Variants in ZNF181 observed in about 807,000 individuals in gnomAD.
The protein encoded by ZNF181 is zinc finger protein 181 (HHZ181).
Under a neutral mutation model 11.9 loss-of-function variants are expected in ZNF181, and 8 were observed. The observed-to-expected ratio is 0.67, with a 90% CI of 0.39 to 1.21. The LOEUF (loss-of-function observed/expected upper bound fraction) is 1.21, where lower values mean the gene tolerates loss of function less well. Among genes scored for constraint, ZNF181 ranks in the 50% most tolerant of loss-of-function variants. ZNF181 has a pLI of 0.01. For synonymous variants in ZNF181, 202 were observed against 221.1 expected, an observed-to-expected ratio of 0.91 and a Z score of 0.77; for missense variants, 542 against 670.9, an observed-to-expected ratio of 0.81 and a Z score of 2.12.
Position 34,734,770 on chromosome 19 carries a change from A to T in ZNF181, c.-268A>T, listed in dbSNP as rs1413857448. The T allele has an allele frequency of 8.0e-6, 4 of 500,568 alleles. No individual in the cohort carries two copies. Among genetic ancestry groups the T allele is most frequent in the Non-Finnish European group, 1.4e-5 (4 of 284,588 alleles). The allele number at this position is 500,568 out of a possible 1,614,324, so 31.0% of individuals were successfully genotyped here. A position where few individuals can be genotyped will look rare whatever the true frequency, so the allele number is the denominator to read the frequency against. ...CCATTGTTTTATGAGGATTTTATTT[A>T]CAGAGTAATTGATTTTCCTCGCAGG... is the stretch of plus-strand genomic sequence containing the variant. On this transcript the variant is annotated 5_prime_UTR_variant, in exon 1 of 4. Coordinates refer to ENST00000492450, the MANE Select transcript of ZNF181 (RefSeq NM_001029997.4).
Position 34,736,152 on chromosome 19 carries a change from C to A in ZNF181, c.9+1106C>A, listed in dbSNP as rs545091666. Reference sequence around the variant, plus strand: ...GTGGAGTGAATAAGATGAGTAATGACGAACTGGTGGGGCAGAATCATGGCA... The same window carrying A: ...GTGGAGTGAATAAGATGAGTAATGAAGAACTGGTGGGGCAGAATCATGGCA... On this transcript the variant is annotated intron_variant, in intron 1 of 3. Transcript: ENST00000492450. The A allele has an allele frequency of 6.1e-4, 430 of 702,898 alleles. No individual in the cohort carries two copies. In the African/African-American group the frequency reaches 6.4e-3, roughly 11 times the overall value. 43.5% of individuals were successfully genotyped at this position (702,898 alleles called of 1,614,324 possible).
In ZNF181 at chr19:34,734,732, G is replaced by A. The variant is rs1240033652; in HGVS notation, c.-306G>A. On this transcript the variant is annotated 5_prime_UTR_variant, in exon 1 of 4. Coordinates refer to ENST00000492450, the MANE Select transcript of ZNF181 (RefSeq NM_001029997.4). The stretch of plus-strand genomic sequence containing the variant: ...CATAGTGGTGAAGACTGAACGAGCT[G>A]ATAAAGTTTTTACCATTGTTTTATG... 4.4e-6 allele frequency: 2 copies of A among 458,586 alleles called. No individual in the cohort carries two copies. Among genetic ancestry groups the A allele is most frequent in the Non-Finnish European group, 7.7e-6 (2 of 259,324 alleles). The allele number at this position is 458,586 out of a possible 1,614,324, so 28.4% of individuals were successfully genotyped here.
chr19:34,740,600 A>G lies in ZNF181; in HGVS notation c.230-11A>G, dbSNP rs763683767. The stretch of plus-strand genomic sequence containing the variant: ...AACAAAACAGTGCTTTGCTTTTTTG[A>G]TGTATTTCAGATTGGGAATCAAGAT... On this transcript the variant is annotated splice_polypyrimidine_tract_variant and intron_variant, in intron 3 of 3. Coordinates refer to ENST00000492450, the MANE Select transcript of ZNF181 (RefSeq NM_001029997.4). The G allele has an allele frequency of 6.5e-7, 1 of 1,536,688 alleles. No homozygotes were observed.
rs769035289 is a variant in ZNF181, at chr19:34,740,993, T to C, written c.612T>C (p.Asn204=). ...KKSVIKNEKV[N]GGKKLLNSNK... ...CAGTTATAAAAAATGAGAAAGTCAA[T>C]GGTGGAAAGAAACTTTTGAATTCTA... The change falls in exon 4 of 4, where the codon AAT becomes AAC. Residue 204 remains asparagine (N), a synonymous_variant. Coordinates refer to ENST00000492450, the MANE Select transcript of ZNF181 (RefSeq NM_001029997.4). 6 of 1,613,920 alleles carry C rather than the reference T, an allele frequency of 3.7e-6. No individual in the cohort carries two copies. The Admixed American group carries it at 5.0e-5, about 13-fold the overall frequency.
rs1352839963 is a variant in ZNF181, at chr19:34,743,644, G to C, written c.*1547G>C. The C allele has an allele frequency of 6.6e-6, 1 of 152,212 alleles. No individual in the cohort carries two copies. The highest frequency in any genetic ancestry group is 1.5e-5 in the Non-Finnish European group (1 of 68,048). The allele number at this position is 152,212 out of a possible 1,614,324, so 9.4% of individuals were successfully genotyped here. A position where few individuals can be genotyped will look rare whatever the true frequency, so the allele number is the denominator to read the frequency against. On this transcript the variant is annotated 3_prime_UTR_variant, in exon 4 of 4. Coordinates refer to ENST00000492450, the MANE Select transcript of ZNF181 (RefSeq NM_001029997.4). ...CTAGTTTCAGATTCTGTGGCTTTGA[G>C]GTAGTGCTGCTGGCAGCATCATTGC...
At chr19:34,739,672 A>G in intron 3 of ZNF181, 51 bp downstream of exon 3, 2 of 1,594,552 alleles carry the variant, frequency 1.3e-6, no homozygotes, top group Non-Finnish European at 1.7e-6. Context: ...AAGGGTCCCA[A>G]ACTCTTTATA....
chr19:34,743,920 CT>C lies in ZNF181; in HGVS notation c.*1824del, dbSNP rs1299834328. ...AGTTCTAGATAAGAAATGGAACAGTCTCACTGGCCCTGTGATTAGAATCCTA... is the reference window on the plus strand; with the variant it reads ...AGTTCTAGATAAGAAATGGAACAGTCCACTGGCCCTGTGATTAGAATCCTA... On this transcript the variant is annotated 3_prime_UTR_variant, in exon 4 of 4. Coordinates refer to ENST00000492450, the MANE Select transcript of ZNF181 (RefSeq NM_001029997.4). The C allele has an allele frequency of 6.6e-6, 1 of 152,166 alleles. No homozygotes were observed. The highest frequency in any genetic ancestry group is 1.5e-5 in the Non-Finnish European group (1 of 68,046). 9.4% of individuals were successfully genotyped at this position (152,166 alleles called of 1,614,324 possible).
rs948039977 is a variant in ZNF181, at chr19:34,734,275, G to A, written c.-763G>A. The A allele has an allele frequency of 1.3e-5, 2 of 152,254 alleles. No individual in the cohort carries two copies. The highest frequency in any genetic ancestry group is 2.9e-5 in the Non-Finnish European group (2 of 68,066). The allele number at this position is 152,254 out of a possible 1,614,324, so 9.4% of individuals were successfully genotyped here. A position where few individuals can be genotyped will look rare whatever the true frequency, so the allele number is the denominator to read the frequency against. On this transcript the variant is annotated 5_prime_UTR_variant, in exon 1 of 4. Transcript: ENST00000492450. ...CCTCAGGCCTGACGGCGACTCCCAG[G>A]CTCCGGGACGATTCTGGGCAGTGTC...
chr19:34,734,791 G>A lies in ZNF181; in HGVS notation c.-247G>A. On this transcript the variant is annotated 5_prime_UTR_variant, in exon 1 of 4. Transcript: ENST00000492450. ...ATTTACAGAGTAATTGATTTTCCTC[G>A]CAGGTGGCACCTGGTAAATGGTTAG... The A allele has an allele frequency of 2.0e-6, 1 of 498,274 alleles. No homozygotes were observed. Among genetic ancestry groups the A allele is most frequent in the South Asian group, 3.8e-5 (1 of 26,448 alleles). 30.9% of individuals were successfully genotyped at this position (498,274 alleles called of 1,614,324 possible). A position where few individuals can be genotyped will look rare whatever the true frequency, so the allele number is the denominator to read the frequency against.
chr19:34,740,509 G>A (rs2068952435), intron 3 of ZNF181, 102 bp from the exon 4 acceptor site: 1 of 1,156,292 alleles, frequency 8.6e-7, no homozygotes, highest in African/African-American at 1.5e-5. Context: ...GTTTTCTGGG[G>A]GCTTCATTTC....
intron 3 of ZNF181, 85 bp from the exon 4 acceptor site, chr19:34,740,526 A>G: frequency 1.5e-6 from 2 of 1,343,028 alleles, no homozygotes; most frequent in Non-Finnish European, 2.0e-6. Flanking sequence ...TTTCTAATCC[A>G]GTTCTCCTAA....
chr19:34,745,001 T>C lies in ZNF181; in HGVS notation c.*2904T>C, dbSNP rs2069020504. On this transcript the variant is annotated 3_prime_UTR_variant, in exon 4 of 4. Transcript: ENST00000492450. ...TTAAAGTGCCTTCACAATACAGAAC[T>C]AGGAAAAAGAAGGCCATCTTTTTAA... The C allele has an allele frequency of 6.6e-6, 1 of 152,188 alleles. No homozygotes were observed. The highest frequency in any genetic ancestry group is 1.5e-5 in the Non-Finnish European group (1 of 68,022). The allele number at this position is 152,188 out of a possible 1,614,324, so 9.4% of individuals were successfully genotyped here. A position where few individuals can be genotyped will look rare whatever the true frequency, so the allele number is the denominator to read the frequency against.
At chr19:34,738,737 T>C (rs2068924577) in intron 1 of ZNF181, among the ~76,000 whole-genome samples, 1 of 152,088 alleles carries the variant, frequency 6.6e-6, no homozygotes, top group East Asian at 1.9e-4. Flanking sequence ...AGTATCCCAT[T>C]TGAGAGACAA....
Position 34,734,777 on chromosome 19 carries a change from A to G in ZNF181, c.-261A>G. The stretch of plus-strand genomic sequence containing the variant: ...TTTATGAGGATTTTATTTACAGAGT[A>G]ATTGATTTTCCTCGCAGGTGGCACC... On this transcript the variant is annotated 5_prime_UTR_variant, in exon 1 of 4. It removes the in-frame stop codon of an upstream open reading frame in the 5' UTR. Transcript: ENST00000492450. The G allele has an allele frequency of 2.0e-6, 1 of 505,906 alleles. No homozygotes were observed. Among genetic ancestry groups the G allele is most frequent in the Non-Finnish European group, 3.5e-6 (1 of 287,172 alleles). 31.3% of individuals were successfully genotyped at this position (505,906 alleles called of 1,614,324 possible).
Position 34,742,206 on chromosome 19 carries a change from C to A in ZNF181, c.*109C>A. The A allele has an allele frequency of 8.7e-7, 1 of 1,149,216 alleles. No homozygotes were observed. Among genetic ancestry groups the A allele is most frequent in the Non-Finnish European group, 1.2e-6 (1 of 820,068 alleles). 71.2% of individuals were successfully genotyped at this position (1,149,216 alleles called of 1,614,324 possible). ...TGGTGAATATAGGAAGACCTTTTAG[C>A]AAAGATGCAGGCCAGTTTGTTTATT... On this transcript the variant is annotated 3_prime_UTR_variant, in exon 4 of 4. Transcript: ENST00000492450.
chr19:34,739,598 A>G lies in ZNF181; in HGVS notation c.206A>G (p.Lys69Arg). 16 of 1,614,064 alleles carry G rather than the reference A, an allele frequency of 9.9e-6. No individual in the cohort carries two copies. The highest frequency in any genetic ancestry group is 1.4e-5 in the Non-Finnish European group (16 of 1,179,958). ...AAAGAGCCCTGGATGATGGAGAAAA[A>G]ACTGTCAAAAGGTATGATTCCAGGT... The part of the protein sequence containing the change: ...DGKEPWMMEK[K>R]LSKGMIPDWE... The change falls in exon 3 of 4, where the codon AAA (lysine) becomes AGA (arginine). Residue 69 changes from lysine to arginine, a missense_variant. By Grantham distance (26) the Lys-to-Arg change is conservative. Transcript: ENST00000492450.
rs1184137421 is a variant in ZNF181 at position 34,737,834 on chromosome 19, C to T, written c.10-1314C>T. Among the ~76,000 whole-genome samples, 11 of 152,212 alleles carry T rather than the reference C, an allele frequency of 7.2e-5. 1 individual carries two copies. The highest frequency in any genetic ancestry group is 7.2e-4 in the Admixed American group (11 of 15,280). On this transcript the variant is annotated intron_variant, in intron 1 of 3. Coordinates refer to ENST00000492450, the MANE Select transcript of ZNF181 (RefSeq NM_001029997.4). ...ACCTTAATCCCTTGCATGCGCACTT[C>T]ACAGTAGGGATTGCGCTCCTATGAG...
In ZNF181 at chr19:34,742,370, G is replaced by T; in HGVS notation, c.*273G>T. ...TGTAGCAAATGTGGGAAAGACTACA[G>T]ACAATAGGAATCTTTTACAAACTCC... On this transcript the variant is annotated 3_prime_UTR_variant, in exon 4 of 4. Transcript: ENST00000492450. 1 of 216,444 alleles carries T rather than the reference G, an allele frequency of 4.6e-6. No individual in the cohort carries two copies. Among genetic ancestry groups the T allele is most frequent in the Non-Finnish European group, 9.2e-6 (1 of 109,096 alleles). 13.4% of individuals were successfully genotyped at this position (216,444 alleles called of 1,614,324 possible). A position where few individuals can be genotyped will look rare whatever the true frequency, so the allele number is the denominator to read the frequency against.
Position 34,741,241 on chromosome 19 carries a change from A to C in ZNF181, c.860A>C (p.His287Pro), listed in dbSNP as rs2068968633. The C allele has an allele frequency of 4.3e-6, 7 of 1,613,912 alleles. No homozygotes were observed. The Admixed American group carries it at 1.2e-4, about 27-fold the overall frequency. ...TCCCTTACACGACATCTGATAAGCC[A>C]TAGTGGAGAGAAACCTTACAAATGT... ...GSSLTRHLIS[H>P]SGEKPYKCIE... Residue 287 changes from histidine to proline, a missense_variant, in exon 4 of 4, where the codon CAT becomes CCT. Transcript: ENST00000492450.
Sources: allele counts gnomAD v4.1 joint callset (sites outside exome capture counted in the v4.1 genomes callset), GRCh38; gene constraint gnomAD v4.1.1; transcripts MANE v1.5; gene names NCBI Gene and HGNC (gene_info 2026-07-23, HGNC 2026-07-21).